MDM2: variants seen among roughly 807,000 people sequenced by gnomAD.
MDM2 encodes the protein E3 ubiquitin-protein ligase Mdm2.
MDM2 carries 11 observed loss-of-function variants against 64.3 expected under a neutral mutation model. The observed-to-expected ratio is 0.17, with a 90% confidence interval of 0.11 to 0.28. MDM2 has a LOEUF of 0.28. Among genes scored for constraint, MDM2 ranks in the 10% least tolerant of loss-of-function variants. MDM2 has a pLI of 1.00. For missense variants in MDM2, 388 were observed against 577.1 expected (o/e 0.67, Z 3.36); for synonymous variants, 194 against 192.9 (o/e 1.01, Z -0.05).
At chr12:68,813,439 C>T in intron 2 of MDM2, 115 bp from the exon 3 acceptor site, 1 of 655,188 alleles carries the variant, frequency 1.5e-6, no homozygotes, top group Non-Finnish European at 2.7e-6. Context: ...TGATTAGATC[C>T]TCCCCAGCAT....
chr12:68,848,653 C>T (rs1884492776), downstream of MDM2: 1 of 152,152 alleles, frequency 6.6e-6, no homozygotes, highest in African/African-American at 2.4e-5. Flanking sequence ...TCTACCTTTT[C>T]TCACATTTGT....
At chr12:68,829,100 C>T (rs3730608) in intron 8 of MDM2, among the ~76,000 whole-genome samples, 169 bp downstream of exon 8, 9 of 152,166 alleles carry the variant, frequency 5.9e-5, no homozygotes, top group Admixed American at 3.9e-4. Flanking sequence ...CCACCTTCAA[C>T]CCAAGGTATT....
In MDM2 at chr12:68,839,828, T is replaced by C; in HGVS notation, c.1473T>C (p.Ile491=). ...CPVCRQPIQM[I]VLTYFP ...TATGTAGACAACCAATTCAAATGAT[T>C]GTGCTAACTTATTTCCCCTAGTTGA... is the stretch of plus-strand genomic sequence containing the variant. The change falls in exon 11 of 11, where the codon ATT becomes ATC. Residue 491 remains isoleucine (I), a synonymous_variant. Coordinates refer to ENST00000258149, the MANE Select transcript of MDM2 (RefSeq NM_002392.6). 6.2e-7 allele frequency: 1 copy of C among 1,614,068 alleles called. No homozygotes were observed. Among genetic ancestry groups the C allele is most frequent in the Non-Finnish European group, 8.5e-7 (1 of 1,180,002 alleles).
intron 9 of MDM2, 77 bp from the exon 10 acceptor site, chr12:68,836,595 T>C: frequency 1.0e-6 from 1 of 957,084 alleles, no homozygotes; most frequent in East Asian, 2.4e-5. Flanking sequence ...GATATTTGTT[T>C]AGGACTTATT....
chr12:68,815,552 C>T (rs1345418368), intron 3 of MDM2: 4 of 252,706 alleles, frequency 1.6e-5, no homozygotes, highest in Non-Finnish European at 3.3e-5. Context: ...GGTGATCCTC[C>T]CACCTCAGTG....
chr12:68,828,945 T>G lies in MDM2; in HGVS notation c.684+14T>G. 6.2e-7 allele frequency: 1 copy of G among 1,613,268 alleles called. No homozygotes were observed. The highest frequency in any genetic ancestry group is 8.5e-7 in the Non-Finnish European group (1 of 1,179,428). On this transcript the variant is annotated intron_variant, in intron 8 of 10. Coordinates refer to ENST00000258149, the MANE Select transcript of MDM2 (RefSeq NM_002392.6). ...CCATCGAATCCGGTAATGTTCTCAT[T>G]TTAAGTAAGGCAAGACTCTTACTGT...
chr12:68,843,782 G>A lies in MDM2; in HGVS notation c.*3933G>A, dbSNP rs138223012. ...TGTGGAGGTCCTCCAAGCATTATTT[G>A]GAGTTGATAATACTTCAGCTACAAC... On this transcript the variant is annotated 3_prime_UTR_variant, in exon 11 of 11. Transcript: ENST00000258149. 5.8e-4 allele frequency: 130 copies of A among 222,444 alleles called. No homozygotes were observed. Among genetic ancestry groups the A allele is most frequent in the African/African-American group, 2.8e-3 (125 of 44,722 alleles). The allele number at this position is 222,444 out of a possible 1,614,324, so 13.8% of individuals were successfully genotyped here.
chr12:68,847,196 T>TTATATATATA (rs59862219), downstream of MDM2: 279 of 92,048 alleles, frequency 3.0e-3, 37 homozygotes, highest in African/African-American at 0.015. Context: ...TGTGTGTACA[T>TTATATATATA]TATATATATA....
chr12:68,836,598 G>T, intron 9 of MDM2, 74 bp from the exon 10 acceptor site: 1 of 977,804 alleles, frequency 1.0e-6, no homozygotes, highest in South Asian at 1.3e-5. Context: ...ATTTGTTTAG[G>T]ACTTATTACT....
At chr12:68,827,278 A>G (rs1218795115) in intron 7 of MDM2, among the ~76,000 whole-genome samples, 1 of 149,704 alleles carries the variant, frequency 6.7e-6, no homozygotes, top group African/African-American at 2.4e-5. Context: ...TTCACTTTGC[A>G]TTTCTTTGAT....
intron 7 of MDM2, 71 bp from the exon 8 acceptor site, chr12:68,828,700 A>AT: frequency 7.4e-7 from 1 of 1,352,132 alleles, no homozygotes; most frequent in Non-Finnish European, 1.0e-6. Flanking sequence ...TTCTGTACAA[A>AT]TAGGTACTCA....
chr12:68,811,499 G>T (rs1880886824), intron 2 of MDM2, among the ~76,000 whole-genome samples: 1 of 149,868 alleles, frequency 6.7e-6, no homozygotes. Context: ...TTACCTTCTT[G>T]TTCTTCAATG....
At chr12:68,819,655 C>T (rs1400287446) in intron 4 of MDM2, among the ~76,000 whole-genome samples, 1 of 152,112 alleles carries the variant, frequency 6.6e-6, no homozygotes, top group Non-Finnish European at 1.5e-5. Flanking sequence ...CCATGCCCAG[C>T]TAATTTTATA....
downstream of MDM2, chr12:68,847,452 C>CTTTTTTTTTTTTTTTTT (rs772905678): frequency 5.4e-4 from 48 of 88,694 alleles, 9 homozygotes; most frequent in African/African-American, 2.6e-3. Flanking sequence ...TATCTCCTTT[C>CTTTTTTTTTTTTTTTTT]TTTTTTTTTT....
At position 68,843,536 on chromosome 12, in the gene MDM2, AGCAAAACAGT is replaced by A. The variant is rs773110612; in HGVS notation, c.*3689_*3698del. 4 of 226,716 alleles carry A rather than the reference AGCAAAACAGT, an allele frequency of 1.8e-5. No individual in the cohort carries two copies. Among genetic ancestry groups the A allele is most frequent in the Non-Finnish European group, 2.6e-5 (3 of 114,272 alleles). 14.0% of individuals were successfully genotyped at this position (226,716 alleles called of 1,614,324 possible). On this transcript the variant is annotated 3_prime_UTR_variant, in exon 11 of 11. Transcript: ENST00000258149. Reference sequence around the variant, plus strand: ...GATTTATATTTAAATATGAATCTTAAGCAAAACAGTGAAAATAACCATCTTGATTTAGTGT... The same window carrying A: ...GATTTATATTTAAATATGAATCTTAAGAAAATAACCATCTTGATTTAGTGT...
intron 4 of MDM2, among the ~76,000 whole-genome samples, chr12:68,818,154 A>G (rs1033495048): frequency 6.6e-6 from 1 of 152,224 alleles, no homozygotes; most frequent in African/African-American, 2.4e-5. Flanking sequence ...GAGCCTTAGC[A>G]TTCATTACAT....
At chr12:68,824,926 GGTGGCTCACGC>G (rs1882178552) in intron 7 of MDM2, among the ~76,000 whole-genome samples, 1 of 152,178 alleles carries the variant, frequency 6.6e-6, no homozygotes, top group African/African-American at 2.4e-5. Flanking sequence ...GCTGGGGTGT[GGTGGCTCACGC>G]CTGGCTCACG....
intron 10 of MDM2, among the ~76,000 whole-genome samples, chr12:68,838,982 A>G (rs1883523035): frequency 6.6e-6 from 1 of 152,196 alleles, no homozygotes; most frequent in African/African-American, 2.4e-5. Flanking sequence ...TAGTGAAATG[A>G]TCACTACAGT....
intron 3 of MDM2, among the ~76,000 whole-genome samples, chr12:68,816,184 T>C (rs1206650098): frequency 6.6e-6 from 1 of 152,120 alleles, no homozygotes; most frequent in East Asian, 1.9e-4. Context: ...TGCAACTTTT[T>C]TGGCTATCAG....
Sources: gnomAD v4.1 joint callset for allele counts (sites outside exome capture counted in the v4.1 genomes callset) on GRCh38, gnomAD v4.1.1 for gene constraint, MANE v1.5 for transcripts, NCBI Gene and HGNC (gene_info 2026-07-23, HGNC 2026-07-21) for gene names.